The following SCAND3 variants were observed in gnomAD, a reference collection of about 807,000 sequenced individuals.
SCAND3 encodes SCAN domain-containing protein 3.
chr6:28,572,070 T>C, the SCAND3 span: 39 of 1,614,070 alleles, frequency 2.4e-5, no homozygotes, highest in Non-Finnish European at 3.3e-5. The surrounding 1 kb of genome is among the most constrained non-coding windows in gnomAD (Gnocchi z 4.1). Context: ...AGAGGTATGT[T>C]GAGGGGAAAA....
chr6:28,572,560 C>T, the SCAND3 span: 1 of 1,613,902 alleles, frequency 6.2e-7, no homozygotes, highest in Non-Finnish European at 8.5e-7. The surrounding 1 kb of genome is among the most constrained non-coding windows in gnomAD (Gnocchi z 4.1). Context: ...ATTAAAAATA[C>T]TGAAGATATC....
At chr6:28,572,091 T>A in the SCAND3 span, 2 of 1,614,092 alleles carry the variant, frequency 1.2e-6, no homozygotes, top group Non-Finnish European at 1.7e-6. The surrounding 1 kb of genome is among the most constrained non-coding windows in gnomAD (Gnocchi z 4.1). Flanking sequence ...GAAGCAGCAA[T>A]TTTAAAGCAA....
At chr6:28,601,187 G>C in the SCAND3 span, among the ~76,000 whole-genome samples, 2 of 152,170 alleles carry the variant, frequency 1.3e-5, no homozygotes, top group Non-Finnish European at 2.9e-5. Context: ...TTACAGGCAT[G>C]AGCCACGGCG....
the SCAND3 span, among the ~76,000 whole-genome samples, chr6:28,593,010 ATT>A: frequency 2.5e-4 from 37 of 145,520 alleles, no homozygotes; most frequent in Non-Finnish European, 2.1e-4. Flanking sequence ...CTGGGCAATG[ATT>A]TTTTTTTTTT....
chr6:28,590,670 A>C, the SCAND3 span: 1 of 152,196 alleles, frequency 6.6e-6, no homozygotes, highest in Non-Finnish European at 1.5e-5. Flanking sequence ...TTACTTTGAC[A>C]TTTTGATTTT....
the SCAND3 span, among the ~76,000 whole-genome samples, chr6:28,611,069 G>A: frequency 6.6e-6 from 1 of 152,120 alleles, no homozygotes; most frequent in Non-Finnish European, 1.5e-5. Flanking sequence ...TATTCCTATA[G>A]TACAGCCAAA....
the SCAND3 span, among the ~76,000 whole-genome samples, chr6:28,602,171 T>G: frequency 1.3e-5 from 2 of 152,222 alleles, no homozygotes; most frequent in Non-Finnish European, 2.9e-5. Flanking sequence ...TTATCTTTTC[T>G]CACATATGAT....
the SCAND3 span, among the ~76,000 whole-genome samples, chr6:28,612,633 C>A: frequency 6.6e-6 from 1 of 152,134 alleles, no homozygotes; most frequent in South Asian, 2.1e-4. Context: ...TTTCAAAAGA[C>A]AATATTTCAT....
the SCAND3 span, chr6:28,586,482 T>C: frequency 6.2e-7 from 1 of 1,614,262 alleles, no homozygotes; most frequent in East Asian, 2.2e-5. The surrounding 1 kb of genome is among the most constrained non-coding windows in gnomAD (Gnocchi z 4.4). Context: ...GTTCAGCCAC[T>C]GACGGCAAAG....
At chr6:28,572,924 C>T in the SCAND3 span, 1 of 1,613,966 alleles carries the variant, frequency 6.2e-7, no homozygotes, top group Non-Finnish European at 8.5e-7. This position sits in a 1 kb window ranked among gnomAD's most constrained non-coding sequence, Gnocchi z 4.1. Context: ...GGCGCAAGTT[C>T]CTTAATCTGG....
At chr6:28,608,066 C>T in the SCAND3 span, among the ~76,000 whole-genome samples, 2 of 152,120 alleles carry the variant, frequency 1.3e-5, no homozygotes, top group African/African-American at 4.8e-5. Context: ...TCTGTAAACA[C>T]TGCGTTCAAG....
At chr6:28,603,129 A>AT in the SCAND3 span, among the ~76,000 whole-genome samples, 4 of 151,412 alleles carry the variant, frequency 2.6e-5, no homozygotes, top group African/African-American at 4.8e-5. Flanking sequence ...GTCCAGCTAA[A>AT]TTTTTTTTGT....
At chr6:28,574,528 T>C in the SCAND3 span, 1 of 880,922 alleles carries the variant, frequency 1.1e-6, no homozygotes, top group Non-Finnish European at 1.8e-6. Context: ...TTGGGGGAAA[T>C]ATATCCAAGG....
the SCAND3 span, among the ~76,000 whole-genome samples, chr6:28,580,855 C>T: frequency 4.9e-5 from 7 of 142,916 alleles, no homozygotes. Context: ...ACTTTTCCAC[C>T]AGCTGGACTA....
At chr6:28,580,561 T>A in the SCAND3 span, among the ~76,000 whole-genome samples, 13 of 152,364 alleles carry the variant, frequency 8.5e-5, no homozygotes, top group African/African-American at 3.1e-4. Context: ...CTGAGCTTAA[T>A]AAGGTATCTT....
At chr6:28,595,195 CAAAAAAAAAAAAAA>C in the SCAND3 span, among the ~76,000 whole-genome samples, 2 of 16,104 alleles carry the variant, frequency 1.2e-4, no homozygotes, top group East Asian at 2.8e-3. Flanking sequence ...CCGTCACTAC[CAAAAAAAAAAAAAA>C]AAAAAAAAAA....
the SCAND3 span, among the ~76,000 whole-genome samples, chr6:28,584,410 A>G: frequency 1.3e-5 from 2 of 152,278 alleles, no homozygotes; most frequent in African/African-American, 4.8e-5. Context: ...AGATCAGAAA[A>G]TATCTGCCCT....
chr6:28,600,669 T>G, the SCAND3 span, among the ~76,000 whole-genome samples: 2 of 151,806 alleles, frequency 1.3e-5, no homozygotes, highest in African/African-American at 4.8e-5. Context: ...TTTAAGAAAT[T>G]TATCACCCAG....
At chr6:28,591,151 A>C in the SCAND3 span, 1 of 152,256 alleles carries the variant, frequency 6.6e-6, no homozygotes, top group Non-Finnish European at 1.5e-5. Flanking sequence ...CCAGTAACTC[A>C]GACTTTATCC....
Sources: gnomAD v4.1 joint callset for allele counts (sites outside exome capture counted in the v4.1 genomes callset) on GRCh38, gnomAD v4.1.1 for gene constraint, Gnocchi (gnomAD v3.1) non-coding constraint, MANE v1.5 for transcripts, NCBI Gene and HGNC (gene_info 2026-07-23, HGNC 2026-07-21) for gene names.